The following BAZ2B variants were observed in gnomAD, a reference collection of about 807,000 sequenced individuals.
BAZ2B encodes bromodomain adjacent to zinc finger domain 2B.
Under a neutral mutation model 246.0 loss-of-function variants are expected in BAZ2B, and 91 were observed. The ratio of observed to expected loss-of-function variants is 0.37; its 90% CI spans 0.31 to 0.44. The LOEUF is 0.44. Among genes scored for constraint, BAZ2B ranks in the 20% least tolerant of loss-of-function variants. BAZ2B has a pLI of 1.00. For missense variants in BAZ2B, 2,332 were observed against 2,533.7 expected, an observed-to-expected ratio of 0.92 and a Z score of 1.71; for synonymous variants, 855 against 860.0, an observed-to-expected ratio of 0.99 and a Z score of 0.10.
At chr2:159,383,043 AT>A (rs1425943107) in intron 24 of BAZ2B, among the ~76,000 whole-genome samples, 1 of 152,138 alleles carries the variant, frequency 6.6e-6, no homozygotes, top group East Asian at 1.9e-4. Flanking sequence ...ATTAAAAAAA[AT>A]GATGAAAGTT....
At chr2:159,379,484 T>G (rs1211419517) in intron 25 of BAZ2B, among the ~76,000 whole-genome samples, 1 of 152,136 alleles carries the variant, frequency 6.6e-6, no homozygotes, top group Non-Finnish European at 1.5e-5. Context: ...AGGGTGAATC[T>G]TACGTTAAAT....
chr2:159,608,332 G>C (rs1693982388), intron 1 of BAZ2B, among the ~76,000 whole-genome samples: 1 of 152,160 alleles, frequency 6.6e-6, no homozygotes, highest in Non-Finnish European at 1.5e-5. Context: ...CTGGGATCGT[G>C]CCACTGCACT....
chr2:159,507,678 T>C (rs1356949710), intron 2 of BAZ2B, among the ~76,000 whole-genome samples: 1 of 152,082 alleles, frequency 6.6e-6, no homozygotes, highest in Admixed American at 6.6e-5. Flanking sequence ...CCATGAGAAG[T>C]AATCTAAATT....
At chr2:159,603,413 A>G (rs190860420) in intron 1 of BAZ2B, among the ~76,000 whole-genome samples, 15 of 152,252 alleles carry the variant, frequency 9.9e-5, no homozygotes, top group South Asian at 2.1e-4. Flanking sequence ...ACTCTCTGAA[A>G]TTTCTTTCCT....
In BAZ2B at chr2:159,601,421, C is replaced by A. The variant is rs1431221760; in HGVS notation, c.-46+14821G>T. ...AATGGGTGACAGAGTGATACCCTGT[C>A]TCAAAAGAAAAAAAAAAAAGGCTGG... On this transcript the variant is annotated intron_variant, in intron 1 of 36. Transcript: ENST00000392783. Among the ~76,000 whole-genome samples, 8 of 81,128 alleles carry A rather than the reference C, an allele frequency of 9.9e-5. No individual in the cohort carries two copies. The South Asian group carries it at 1.5e-3, about 15-fold the overall frequency. The allele number at this position is 81,128 out of a possible 152,430, so 53.2% of individuals were successfully genotyped here.
At chr2:159,429,163 G>C in intron 11 of BAZ2B, 37 bp downstream of exon 11, 1 of 1,391,768 alleles carries the variant, frequency 7.2e-7, no homozygotes, top group Non-Finnish European at 9.8e-7. Context: ...ATAAATATAT[G>C]GGGGAAAAAG....
chr2:159,408,625 A>G (rs2066328932), intron 14 of BAZ2B, among the ~76,000 whole-genome samples: 1 of 152,160 alleles, frequency 6.6e-6, no homozygotes, highest in East Asian at 1.9e-4. Flanking sequence ...GATGATGTGA[A>G]AAAAAGAAAA....
chr2:159,615,605 G>C (rs915129362), intron 1 of BAZ2B: 5 of 152,322 alleles, frequency 3.3e-5, no homozygotes, highest in African/African-American at 1.2e-4. Context: ...ACAGGGAAGA[G>C]GGGGCGGAGG....
the BAZ2B span, among the ~76,000 whole-genome samples, chr2:159,650,140 T>C: frequency 2.0e-5 from 3 of 152,102 alleles, no homozygotes; most frequent in Non-Finnish European, 4.4e-5. Context: ...TTATCTTACA[T>C]ACAGAATACA....
intron 2 of BAZ2B, among the ~76,000 whole-genome samples, chr2:159,513,779 A>G (rs2083166724): frequency 6.6e-6 from 1 of 152,162 alleles, no homozygotes; most frequent in Non-Finnish European, 1.5e-5. Flanking sequence ...AGTCTATTCT[A>G]AACATAGCAG....
intron 1 of BAZ2B, among the ~76,000 whole-genome samples, chr2:159,568,263 G>T (rs1683119570): frequency 1.3e-5 from 2 of 152,034 alleles, no homozygotes; most frequent in South Asian, 4.1e-4. Context: ...AAATCATATT[G>T]TTAACATTCA....
the BAZ2B span, among the ~76,000 whole-genome samples, chr2:159,627,140 G>A: frequency 6.6e-6 from 1 of 152,056 alleles, no homozygotes; most frequent in African/African-American, 2.4e-5. Context: ...TCCCTGAATA[G>A]ACCAATAACA....
At chr2:159,422,166 G>A (rs1417055813) in intron 13 of BAZ2B, among the ~76,000 whole-genome samples, 1 of 152,100 alleles carries the variant, frequency 6.6e-6, no homozygotes, top group African/African-American at 2.4e-5. Flanking sequence ...TGGCCATATT[G>A]CCCAAAGTAA....
At chr2:159,534,878 C>T (rs986121775) in intron 2 of BAZ2B, among the ~76,000 whole-genome samples, 5 of 152,034 alleles carry the variant, frequency 3.3e-5, no homozygotes, top group African/African-American at 1.2e-4. Context: ...AAGTGCTGGG[C>T]TTACAGGTGT....
chr2:159,483,206 T>A (rs1394535781), intron 2 of BAZ2B, among the ~76,000 whole-genome samples: 1 of 150,722 alleles, frequency 6.6e-6, no homozygotes, highest in Non-Finnish European at 1.5e-5. Context: ...AACTTGGTCA[T>A]TTTTTTTTGA....
chr2:159,693,546 C>CCCAAGTAG, the BAZ2B span: 7 of 150,942 alleles, frequency 4.6e-5, no homozygotes, highest in Admixed American at 6.7e-5. Flanking sequence ...ATCTGAGTCT[C>CCCAAGTAG]CCAAGTAGCT....
At chr2:159,398,573 T>C (rs1242141092) in intron 18 of BAZ2B, among the ~76,000 whole-genome samples, 1 of 152,118 alleles carries the variant, frequency 6.6e-6, no homozygotes, top group East Asian at 1.9e-4. Flanking sequence ...ATACAGGTAT[T>C]AAGCAACAAT....
chr2:159,430,739 G>C, intron 10 of BAZ2B, 124 bp downstream of exon 10: 1 of 1,443,184 alleles, frequency 6.9e-7, no homozygotes, highest in East Asian at 2.4e-5. Flanking sequence ...ACCTTCCTTA[G>C]CCAACCTAAA....
At chr2:159,399,325 G>C (rs548685457) in intron 17 of BAZ2B, among the ~76,000 whole-genome samples, 1 of 152,136 alleles carries the variant, frequency 6.6e-6, no homozygotes, top group East Asian at 1.9e-4. Flanking sequence ...TCAAGAATTA[G>C]TAATATTTGA....
Sources: gnomAD v4.1 joint callset for allele counts (sites outside exome capture counted in the v4.1 genomes callset) on GRCh38, gnomAD v4.1.1 for gene constraint, MANE v1.5 for transcripts, NCBI Gene and HGNC (gene_info 2026-07-23, HGNC 2026-07-21) for gene names.